Variants in CNBD1 observed in about 807,000 individuals in gnomAD.
CNBD1 encodes cyclic nucleotide binding domain containing 1.
Under a neutral mutation model 54.4 loss-of-function variants are expected in CNBD1, and 71 were observed. The ratio of observed to expected loss-of-function variants is 1.30; its 90% confidence interval spans 1.08 to 1.59. The LOEUF is 1.59. CNBD1 is among the 40% of genes most tolerant of loss of function. CNBD1 has a pLI of 0.00. For missense variants in CNBD1, 659 were observed against 518.0 expected (o/e 1.27, Z -2.64); for synonymous variants, 182 against 170.7 (o/e 1.07, Z -0.51).
chr8:87,231,126 T>C (rs1313041348), intron 5 of CNBD1, among the ~76,000 whole-genome samples: 1 of 152,122 alleles, frequency 6.6e-6, no homozygotes, highest in Non-Finnish European at 1.5e-5. Flanking sequence ...TACTACCAAA[T>C]CTCTTTCTAG....
intron 8 of CNBD1, among the ~76,000 whole-genome samples, chr8:87,328,456 G>T (rs1193322715): frequency 6.9e-6 from 1 of 145,892 alleles, no homozygotes; most frequent in Admixed American, 6.8e-5. Context: ...TTTTTTCTGG[G>T]CTTTTCATTA....
intron 3 of CNBD1, among the ~76,000 whole-genome samples, chr8:86,926,456 A>T (rs1358017432): frequency 6.6e-6 from 1 of 152,198 alleles, no homozygotes; most frequent in African/African-American, 2.4e-5. Context: ...AACAAATTTG[A>T]CAAGGAGGTT....
At chr8:87,299,668 C>A (rs1808946699) in intron 8 of CNBD1, among the ~76,000 whole-genome samples, 2 of 152,112 alleles carry the variant, frequency 1.3e-5, no homozygotes, top group Admixed American at 6.6e-5. Context: ...AAACTCAGTC[C>A]AAATACGAGA....
At chr8:87,416,469 T>C (rs1807834949) in intron 2 of CNBD1, among the ~76,000 whole-genome samples, 1 of 151,990 alleles carries the variant, frequency 6.6e-6, no homozygotes, top group South Asian at 2.1e-4. Context: ...CCTATCCAGC[T>C]CTGGGGAAGC....
At chr8:87,329,382 C>G (rs767711884) in intron 8 of CNBD1, among the ~76,000 whole-genome samples, 1 of 152,078 alleles carries the variant, frequency 6.6e-6, no homozygotes, top group Non-Finnish European at 1.5e-5. Flanking sequence ...ATTGGCTATT[C>G]TGGGTCTTTT....
chr8:87,280,131 C>G (rs16898282), intron 6 of CNBD1, among the ~76,000 whole-genome samples: 1 of 151,248 alleles, frequency 6.6e-6, no homozygotes, highest in Admixed American at 6.6e-5. Context: ...TTAGTTCCAA[C>G]TTTACCTTCC....
chr8:86,970,672 G>T (rs1182923693), intron 4 of CNBD1, among the ~76,000 whole-genome samples: 1 of 151,848 alleles, frequency 6.6e-6, no homozygotes, highest in African/African-American at 2.4e-5. Flanking sequence ...TGTATGTAGT[G>T]TTTAGCTTCC....
At chr8:87,376,668 A>G (rs953688995) in intron 10 of CNBD1, among the ~76,000 whole-genome samples, 3 of 151,986 alleles carry the variant, frequency 2.0e-5, no homozygotes, top group Non-Finnish European at 2.9e-5. Context: ...ATTATTTACT[A>G]TATTAAAGTG....
intron 4 of CNBD1, among the ~76,000 whole-genome samples, chr8:87,046,054 A>AG (rs1476573211): frequency 1.3e-5 from 2 of 150,986 alleles, no homozygotes; most frequent in East Asian, 3.9e-4. Context: ...AAAAAAAAAA[A>AG]AAAAAAAAAA....
At chr8:87,180,334 A>G (rs1813285896) in intron 4 of CNBD1, among the ~76,000 whole-genome samples, 1 of 152,152 alleles carries the variant, frequency 6.6e-6, no homozygotes. Flanking sequence ...CATATTATAT[A>G]TTTTTATCAC....
intron 5 of CNBD1, among the ~76,000 whole-genome samples, chr8:87,222,119 C>T (rs1814352009): frequency 6.6e-6 from 1 of 151,930 alleles, no homozygotes; most frequent in Admixed American, 6.6e-5. Flanking sequence ...ATTTATATAA[C>T]TTTCTTATAT....
intron 8 of CNBD1, among the ~76,000 whole-genome samples, chr8:87,350,868 C>T (rs1002044678): frequency 6.6e-6 from 1 of 151,910 alleles, no homozygotes; most frequent in Non-Finnish European, 1.5e-5. Flanking sequence ...TTATGTAGAT[C>T]AAGGGATTTT....
intron 4 of CNBD1, among the ~76,000 whole-genome samples, chr8:87,176,072 C>T (rs914038527): frequency 6.6e-6 from 1 of 152,214 alleles, no homozygotes; most frequent in African/African-American, 2.4e-5. Context: ...TGCCACGTGA[C>T]CGCTGCAGGG....
intron 4 of CNBD1, among the ~76,000 whole-genome samples, chr8:86,954,047 A>G (rs1021750106): frequency 2.0e-5 from 3 of 152,208 alleles, no homozygotes; most frequent in African/African-American, 7.2e-5. Flanking sequence ...ATCCATTTAA[A>G]TCATGACTCA....
chr8:87,239,288 A>T (rs1232759753), intron 6 of CNBD1, among the ~76,000 whole-genome samples: 1 of 152,192 alleles, frequency 6.6e-6, no homozygotes, highest in African/African-American at 2.4e-5. Flanking sequence ...AATTTAAAGT[A>T]TCCTTGCTAA....
Position 86,896,221 on chromosome 8 carries a change from T to A in CNBD1, c.158+8610T>A, listed in dbSNP as rs1053088538. ...TCTATTTCTAATTTTAATTATTTTTTAAAAATTATTTTTATGTATTGTTTT... is the reference window on the plus strand; with the variant it reads ...TCTATTTCTAATTTTAATTATTTTTAAAAAATTATTTTTATGTATTGTTTT... On this transcript the variant is annotated intron_variant, in intron 2 of 10. Coordinates refer to ENST00000518476, the MANE Select transcript of CNBD1 (RefSeq NM_173538.3). 2.6e-5 allele frequency among the ~76,000 whole-genome samples: 4 copies of A among 152,232 alleles called. No individual in the cohort carries two copies. The South Asian group carries it at 6.2e-4, about 24-fold the overall frequency.
intron 4 of CNBD1, among the ~76,000 whole-genome samples, chr8:87,147,375 T>C (rs1187686518): frequency 6.6e-6 from 1 of 152,094 alleles, no homozygotes; most frequent in African/African-American, 2.4e-5. Context: ...GCTCATTAAA[T>C]ATCTCTTGTA....
intron 4 of CNBD1, among the ~76,000 whole-genome samples, chr8:86,985,171 T>C (rs1208708869): frequency 1.3e-5 from 2 of 152,154 alleles, no homozygotes; most frequent in South Asian, 2.1e-4. Flanking sequence ...TGCTGCCAAG[T>C]GAGACATGCC....
chr8:87,123,477 C>T (rs1340934159), intron 4 of CNBD1, among the ~76,000 whole-genome samples: 1 of 151,568 alleles, frequency 6.6e-6, no homozygotes, highest in Non-Finnish European at 1.5e-5. Flanking sequence ...GAAACATAAA[C>T]ATAAACATAA....
Sources: allele counts gnomAD v4.1 joint callset (sites outside exome capture counted in the v4.1 genomes callset), GRCh38; gene constraint gnomAD v4.1.1; transcripts MANE v1.5; gene names NCBI Gene and HGNC (gene_info 2026-07-23, HGNC 2026-07-21).